Variants in COL20A1 observed in about 807,000 individuals in gnomAD.
COL20A1 encodes collagen type XX alpha 1 chain, also known as collagen alpha-1(XX) chain.
COL20A1 carries 164 observed loss-of-function variants against 152.9 expected under a neutral mutation model. That is an observed-to-expected ratio of 1.07 (90% CI 0.94 to 1.22). The LOEUF (loss-of-function observed/expected upper bound fraction) is 1.22, where lower values mean the gene tolerates loss of function less well. Among genes scored for constraint, COL20A1 ranks in the 50% most tolerant of loss-of-function variants. The pLI, the probability that COL20A1 is intolerant of heterozygous loss-of-function variation, is 0.00. For synonymous variants in COL20A1, 864 were observed against 756.0 expected (o/e 1.14, Z -2.34); for missense variants, 1,873 against 1,744.8 (o/e 1.07, Z -1.31).
chr20:63,293,772 T>A (rs1198897414), intron 1 of COL20A1, among the ~76,000 whole-genome samples: 2 of 151,452 alleles, frequency 1.3e-5, no homozygotes, highest in Admixed American at 6.6e-5. Flanking sequence ...CGGGCGGGCA[T>A]GAAATCCCTG....
At chr20:63,304,917 T>C (rs2067904401) in intron 3 of COL20A1, among the ~76,000 whole-genome samples, 1 of 152,242 alleles carries the variant, frequency 6.6e-6, no homozygotes, top group Admixed American at 6.5e-5. Context: ...CCCTTTGGAA[T>C]CATTTGTTTG....
At position 63,328,399 on chromosome 20, in the gene COL20A1, C is replaced by G; in HGVS notation, c.3682C>G (p.Leu1228Val). ...RPPMPILEQK[L>V]EPGTEPLGSP... is the part of the protein sequence containing the mutation. ...CCCCATGCCCATCTTGGAGCAGAAGCTGGAGCCGGGCACTGAGCCCCTGGG... is the reference window on the plus strand; with the variant it reads ...CCCCATGCCCATCTTGGAGCAGAAGGTGGAGCCGGGCACTGAGCCCCTGGG... The change falls in exon 34 of 36, where the codon CTG (leucine) becomes GTG (valine). Residue 1228 changes from leucine (L) to valine (V), a missense_variant. By Grantham distance (32) the Leu-to-Val change is conservative. Coordinates refer to ENST00000358894, the MANE Select transcript of COL20A1 (RefSeq NM_020882.4). 1 of 1,612,660 alleles carries G rather than the reference C, an allele frequency of 6.2e-7. No individual in the cohort carries two copies. The highest frequency in any genetic ancestry group is 1.1e-5 in the South Asian group (1 of 90,920).
intron 3 of COL20A1, 39 bp downstream of exon 3, chr20:63,298,059 C>T (rs757527245): frequency 3.5e-6 from 5 of 1,441,704 alleles, no homozygotes; most frequent in South Asian, 2.3e-5. Flanking sequence ...TCCCCATTAG[C>T]ACGTGCCGAG....
Position 63,327,958 on chromosome 20 carries a change from C to T in COL20A1, c.3535C>T (p.Pro1179Ser). 9 of 1,601,890 alleles carry T rather than the reference C, an allele frequency of 5.6e-6. No homozygotes were observed. The highest frequency in any genetic ancestry group is 7.7e-6 in the Non-Finnish European group (9 of 1,173,970). ...CTCTTCCCCTCCTCATCAGGGACTG[C>T]CAGGGCCCAAAGGGGAACGAGGAGA... Reference protein sequence around the residue: ...PPGTVGPTGLPGPKGERGEKG... With the variant: ...PPGTVGPTGLSGPKGERGEKG... The change falls in exon 32 of 36, where the codon CCA (proline) becomes TCA (serine). Residue 1179 changes from proline (P) to serine (S), a missense_variant. By Grantham distance (74) the Pro-to-Ser change is moderately conservative. Coordinates refer to ENST00000358894, the MANE Select transcript of COL20A1 (RefSeq NM_020882.4).
At chr20:63,326,289 A>G in intron 30 of COL20A1, 140 bp downstream of exon 30, 2 of 682,770 alleles carry the variant, frequency 2.9e-6, no homozygotes, top group Non-Finnish European at 5.1e-6. Flanking sequence ...TTCTGCTGGA[A>G]CTTTCTGCAG....
chr20:63,308,326 G>A (rs548373254), intron 7 of COL20A1, among the ~76,000 whole-genome samples: 28 of 152,338 alleles, frequency 1.8e-4, no homozygotes, highest in African/African-American at 3.6e-4. Flanking sequence ...GTCCACACCC[G>A]GCCCAGTCTG....
Position 63,305,698 on chromosome 20 carries a change from T to C in COL20A1, c.337+138T>C. 4 of 1,168,658 alleles carry C rather than the reference T, an allele frequency of 3.4e-6. No homozygotes were observed. Among genetic ancestry groups the C allele is most frequent in the Non-Finnish European group, 4.8e-6 (4 of 837,240 alleles). 72.4% of individuals were successfully genotyped at this position (1,168,658 alleles called of 1,614,324 possible). ...TGTGTGAAGCAGTTCTGGGCTGTGC[T>C]AGGGGCAGGTTCAAGTCCCGACTCA... On this transcript the variant is annotated intron_variant, in intron 4 of 35. Coordinates refer to ENST00000358894, the MANE Select transcript of COL20A1 (RefSeq NM_020882.4). This position sits in a 1 kb window ranked among gnomAD's most constrained non-coding sequence, Gnocchi z 4.9.
At chr20:63,309,559 G>C in intron 9 of COL20A1, 62 bp downstream of exon 9, 1 of 1,413,556 alleles carries the variant, frequency 7.1e-7, no homozygotes, top group Non-Finnish European at 9.3e-7. Context: ...CAAAGGGTTG[G>C]GGGGACGCTG....
At chr20:63,321,736 G>A (rs996531659) in intron 26 of COL20A1, among the ~76,000 whole-genome samples, 2 of 152,170 alleles carry the variant, frequency 1.3e-5, no homozygotes, top group Non-Finnish European at 2.9e-5. Context: ...AGGTTCCAGC[G>A]CCCCACAGGT....
Position 63,297,583 on chromosome 20 carries a change from C to T in COL20A1, c.83-327C>T, listed in dbSNP as rs181117593. ...TCCTCCCAGACATGGGCCTGAGCCT[C>T]TTCCTGGTGGGAGGACCCCCGGAGA... On this transcript the variant is annotated intron_variant, in intron 2 of 35. Coordinates refer to ENST00000358894, the MANE Select transcript of COL20A1 (RefSeq NM_020882.4). 1.4e-3 allele frequency among the ~76,000 whole-genome samples: 216 copies of T among 152,340 alleles called. 1 individual carries two copies. The highest frequency in any genetic ancestry group is 5.0e-3 in the African/African-American group (206 of 41,588).
At chr20:63,328,611 G>A in intron 34 of COL20A1, 113 bp downstream of exon 34, 1 of 1,027,966 alleles carries the variant, frequency 9.7e-7, no homozygotes, top group Non-Finnish European at 1.4e-6. Context: ...TCCTGCTGGA[G>A]ATGCCACTGT....
chr20:63,310,503 G>T lies in COL20A1; in HGVS notation c.1386G>T (p.Val462=). ...GGVGEGLRGL[V]TTAPLPPPRA... ...TTGGCGAAGGCCTGCGGGGCCTGGTGACCACAGGTAGGTGGGGCAGAGGCA... is the reference window on the plus strand; with the variant it reads ...TTGGCGAAGGCCTGCGGGGCCTGGTTACCACAGGTAGGTGGGGCAGAGGCA... Residue 462 remains valine (V), a synonymous_variant, in exon 11 of 36, where the codon GTG becomes GTT. Transcript: ENST00000358894. 6.3e-7 allele frequency: 1 copy of T among 1,597,352 alleles called. No homozygotes were observed. Among genetic ancestry groups the T allele is most frequent in the South Asian group, 1.1e-5 (1 of 88,186 alleles).
Position 63,311,883 on chromosome 20 carries a change from G to A in COL20A1, c.1664-33G>A, listed in dbSNP as rs952112057. ...CCCTTGCCCCTGCCATGGAGGCCGC[G>A]TGCTGGCCTTGAGGCTCTGCTGTGC... On this transcript the variant is annotated intron_variant, in intron 13 of 35. Transcript: ENST00000358894. This position sits in a 1 kb window ranked among gnomAD's most constrained non-coding sequence, Gnocchi z 4.4. 30 of 1,513,538 alleles carry A rather than the reference G, an allele frequency of 2.0e-5. No individual in the cohort carries two copies. The highest frequency in any genetic ancestry group is 4.1e-5 in the Admixed American group (2 of 48,894). 93.8% of individuals were successfully genotyped at this position (1,513,538 alleles called of 1,614,324 possible).
Position 63,311,727 on chromosome 20 carries a change from C to A in COL20A1, c.1642C>A (p.Arg548=). The change falls in exon 13 of 36, where the codon CGG becomes AGG. Residue 548 remains arginine, a synonymous_variant. Transcript: ENST00000358894. This position sits in a 1 kb window ranked among gnomAD's most constrained non-coding sequence, Gnocchi z 4.4. ...GCGAGGCCCTGAGGGCAGCGAGGCC[C>A]GGGGCATCCGTGCCAGGACCCGTGA... The part of the protein sequence containing the change: ...SLRGPEGSEA[R]GIRARTPTLA... The A allele has an allele frequency of 6.3e-7, 1 of 1,596,320 alleles. No homozygotes were observed. Among genetic ancestry groups the A allele is most frequent in the Non-Finnish European group, 8.5e-7 (1 of 1,175,626 alleles).
Position 63,309,898 on chromosome 20 carries a change from G to A in COL20A1, c.1246G>A (p.Gly416Ser). ...TCTGATCGTTTGGCGAGCCTCTAGA[G>A]GTGGCACCCCCAGGGAGGTGAGGGG... Reference protein sequence around the residue: ...KYLIVWRASRGGTPREVVVEG... With the variant: ...KYLIVWRASRSGTPREVVVEG... The change falls in exon 10 of 36, where the codon GGT becomes AGT. Residue 416 changes from glycine (G) to serine (S), a missense_variant. Coordinates refer to ENST00000358894, the MANE Select transcript of COL20A1 (RefSeq NM_020882.4). 6.2e-7 allele frequency: 1 copy of A among 1,605,440 alleles called. No individual in the cohort carries two copies. The highest frequency in any genetic ancestry group is 2.2e-5 in the East Asian group (1 of 44,572).
rs374818195 is a variant in COL20A1, at chr20:63,308,596, G to C, written c.830G>C (p.Arg277Pro). The C allele has an allele frequency of 1.2e-6, 2 of 1,605,372 alleles. No individual in the cohort carries two copies. Among genetic ancestry groups the C allele is most frequent in the Non-Finnish European group, 1.7e-6 (2 of 1,176,776 alleles). The change falls in exon 8 of 36, where the codon CGT (arginine) becomes CCT (proline). Residue 277 changes from arginine (R) to proline (P), a missense_variant. Coordinates refer to ENST00000358894, the MANE Select transcript of COL20A1 (RefSeq NM_020882.4). The stretch of plus-strand genomic sequence containing the variant: ...AACCTGCAGCCGGCGGCTGGCCTCC[G>C]TCCAGAGGCAGCCAAGGTGGTGATT... ...GQNLQPAAGLRPEAAKVVILV... is the reference protein window; with the variant it reads ...GQNLQPAAGLPPEAAKVVILV...
intron 35 of COL20A1, among the ~76,000 whole-genome samples, chr20:63,330,320 G>A (rs1489990410): frequency 6.6e-6 from 1 of 152,116 alleles, no homozygotes. Flanking sequence ...GTGTGACCTG[G>A]GGCCCATGAG....
intron 27 of COL20A1, 89 bp downstream of exon 27, chr20:63,322,200 G>A: frequency 8.9e-7 from 1 of 1,126,004 alleles, no homozygotes; most frequent in South Asian, 1.6e-5. Context: ...TGAGAGTGCA[G>A]GGAGCTGCAC....
chr20:63,327,177 AGGGACTTCCTGTTGACGGCCCG>A, intron 31 of COL20A1: 1 of 228,460 alleles, frequency 4.4e-6, no homozygotes, highest in South Asian at 9.5e-5. Flanking sequence ...TTTACCACTC[AGGGACTTCCTGTTGACGGCCCG>A]GGGACTTCCT....
Sources: gnomAD v4.1 joint callset for allele counts (sites outside exome capture counted in the v4.1 genomes callset) on GRCh38, gnomAD v4.1.1 for gene constraint, Gnocchi (gnomAD v3.1) non-coding constraint, MANE v1.5 for transcripts, NCBI Gene and HGNC (gene_info 2026-07-23, HGNC 2026-07-21) for gene names.